CCDC88A: variants seen among roughly 807,000 people sequenced by gnomAD.
CCDC88A encodes coiled-coil and HOOK domain protein 88A, also known as girdin.
In CCDC88A, 54 loss-of-function variants were observed where a neutral mutation model predicts 234.3. That is an observed-to-expected ratio of 0.23 (90% CI 0.19 to 0.29). The LOEUF (loss-of-function observed/expected upper bound fraction) is 0.29, where lower values mean the gene tolerates loss of function less well. Among genes scored for constraint, CCDC88A ranks in the 10% least tolerant of loss-of-function variants. The probability of loss-of-function intolerance (pLI) is 1.00; values close to 1 mark genes in which losing one functional copy is unlikely to be tolerated. For missense variants in CCDC88A, 1,832 were observed against 2,123.4 expected, an observed-to-expected ratio of 0.86 and a Z score of 2.70; for synonymous variants, 753 against 737.8, an observed-to-expected ratio of 1.02 and a Z score of -0.33.
Position 55,339,487 on chromosome 2 carries a change from C to T in CCDC88A, c.1495G>A (p.Glu499Lys), listed in dbSNP as rs758256730. 1 of 1,583,912 alleles carries T rather than the reference C, an allele frequency of 6.3e-7. No homozygotes were observed. The highest frequency in any genetic ancestry group is 1.9e-5 in the Admixed American group (1 of 53,964). The part of the protein sequence containing the change: ...NASKILKMEK[E>K]NQRLSKKVEI... ...ACCTTTTTACTGAGCCTTTGATTTT[C>T]TTTTTCCATTTTCAGGATTTTGGAA... The change falls in exon 13 of 33, where the codon GAA becomes AAA. Residue 499 changes from glutamate (E) to lysine (K), a missense_variant. Glu to Lys is a moderately conservative substitution (Grantham distance 56). Transcript: ENST00000436346.
chr2:55,339,553 C>G lies in CCDC88A; in HGVS notation c.1429G>C (p.Glu477Gln), dbSNP rs1241372626. Residue 477 changes from glutamate to glutamine, a missense_variant, in exon 13 of 33, where the codon GAA becomes CAA. This residue lies in a region of CCDC88A where 1,282 missense variants were observed against 1,543.6 expected (regional missense o/e 0.83). Coordinates refer to ENST00000436346, the MANE Select transcript of CCDC88A (RefSeq NM_001365480.1). ...MENQSLTKTV[E>Q]ELRTTVDSVE... is the part of the protein sequence containing the mutation. ...GAATCCACAGTAGTCCGAAGCTCTT[C>G]TACGGTTTTTGTCAAACTTTGATTT... The G allele has an allele frequency of 6.2e-7, 1 of 1,613,754 alleles. No individual in the cohort carries two copies. Among genetic ancestry groups the G allele is most frequent in the Admixed American group, 1.7e-5 (1 of 59,968 alleles).
Position 55,295,975 on chromosome 2 carries a change from T to C in CCDC88A, c.5173A>G (p.Lys1725Glu). ...CTGGCCAGACCACAGCTAACTGGTT[T>C]GTCTTTTCCCAAAAAGTCAGAAGAG... ...SVSSDFLGKD[K>E]PVSCGLARSV... The change falls in exon 31 of 33, where the codon AAA becomes GAA. Residue 1725 changes from lysine to glutamate, a missense_variant. Lys to Glu is a moderately conservative substitution (Grantham distance 56, BLOSUM62 1). Transcript: ENST00000436346. The C allele has an allele frequency of 6.2e-7, 1 of 1,613,820 alleles. No homozygotes were observed.
chr2:55,401,726 T>C (rs552146334), intron 2 of CCDC88A, among the ~76,000 whole-genome samples: 6 of 151,634 alleles, frequency 4.0e-5, no homozygotes, highest in South Asian at 2.1e-4. Flanking sequence ...ATAATTACCA[T>C]ACAGAGATTA....
At chr2:55,321,207 G>C (rs1683593234) in intron 18 of CCDC88A, 1 of 151,688 alleles carries the variant, frequency 6.6e-6, no homozygotes, top group South Asian at 2.1e-4. Flanking sequence ...TATATCCTTT[G>C]GCCTTGCAAT....
At chr2:55,298,415 C>G (rs1053535600) in intron 29 of CCDC88A, among the ~76,000 whole-genome samples, 4 of 151,706 alleles carry the variant, frequency 2.6e-5, no homozygotes, top group South Asian at 2.1e-4. Context: ...ACAAAGAAAT[C>G]TGAAAAACAT....
intron 8 of CCDC88A, chr2:55,349,832 G>A: frequency 8.2e-6 from 3 of 366,610 alleles, no homozygotes; most frequent in Non-Finnish European, 1.4e-5. Flanking sequence ...CTCATAGTAT[G>A]TAATACAGTT....
At chr2:55,403,003 C>T (rs562176037) in intron 2 of CCDC88A, among the ~76,000 whole-genome samples, 87 of 151,054 alleles carry the variant, frequency 5.8e-4, no homozygotes, top group Admixed American at 1.4e-3. Context: ...AGCAAGACTC[C>T]GTCTAAAAAA....
intron 2 of CCDC88A, among the ~76,000 whole-genome samples, chr2:55,389,286 T>G (rs966057824): frequency 1.3e-5 from 2 of 152,198 alleles, no homozygotes; most frequent in Non-Finnish European, 1.5e-5. Flanking sequence ...AGGGATTATA[T>G]TTGAACAGGC....
chr2:55,307,544 G>A (rs952578183), intron 25 of CCDC88A, among the ~76,000 whole-genome samples: 3 of 151,840 alleles, frequency 2.0e-5, no homozygotes, highest in East Asian at 2.0e-4. Flanking sequence ...TAGTAGAGAC[G>A]GGGTTTCTCC....
intron 25 of CCDC88A, chr2:55,306,308 C>G (rs955466984): frequency 5.3e-5 from 8 of 152,078 alleles, no homozygotes; most frequent in Non-Finnish European, 1.0e-4. Context: ...AACTTGATGA[C>G]CTGTCTAAAA....
chr2:55,379,102 G>C (rs909303912), intron 3 of CCDC88A, among the ~76,000 whole-genome samples: 3 of 151,906 alleles, frequency 2.0e-5, no homozygotes, highest in Non-Finnish European at 4.4e-5. Context: ...CCAATTTTAT[G>C]AGTAATATTA....
intron 2 of CCDC88A, among the ~76,000 whole-genome samples, chr2:55,408,637 A>C (rs1679986945): frequency 6.6e-6 from 1 of 152,298 alleles, no homozygotes; most frequent in Non-Finnish European, 1.5e-5. Context: ...GGAGGCATGA[A>C]TAATCTACCC....
At chr2:55,409,128 C>T (rs1680060908) in intron 2 of CCDC88A, among the ~76,000 whole-genome samples, 1 of 152,216 alleles carries the variant, frequency 6.6e-6, no homozygotes, top group Non-Finnish European at 1.5e-5. Context: ...ATCAACCCTG[C>T]ATGACAATAC....
intron 7 of CCDC88A, among the ~76,000 whole-genome samples, chr2:55,357,042 A>G (rs541997332): frequency 4.6e-5 from 7 of 152,208 alleles, no homozygotes; most frequent in Non-Finnish European, 8.8e-5. Flanking sequence ...TCTTGCCATC[A>G]CTGCAGAATT....
chr2:55,327,048 T>C (rs1260000544), intron 17 of CCDC88A, among the ~76,000 whole-genome samples: 4 of 152,226 alleles, frequency 2.6e-5, no homozygotes, highest in African/African-American at 9.6e-5. Flanking sequence ...TTGTTTTGTT[T>C]TGTTTTGTTC....
At chr2:55,329,692 G>A (rs1233624432) in intron 16 of CCDC88A, 2 of 152,206 alleles carry the variant, frequency 1.3e-5, no homozygotes, top group African/African-American at 4.8e-5. Flanking sequence ...TATTGAAAGA[G>A]AAGACAGAAG....
rs965291273 is a variant in CCDC88A at position 55,291,059 on chromosome 2, A to G, written c.*141T>C. 3 of 152,606 alleles carry G rather than the reference A, an allele frequency of 2.0e-5. No homozygotes were observed. Among genetic ancestry groups the G allele is most frequent in the South Asian group, 4.1e-4 (2 of 4,834 alleles). The allele number at this position is 152,606 out of a possible 1,614,324, so 9.5% of individuals were successfully genotyped here. A position where few individuals can be genotyped will look rare whatever the true frequency, so the allele number is the denominator to read the frequency against. On this transcript the variant is annotated 3_prime_UTR_variant, in exon 33 of 33. Transcript: ENST00000436346. ...CCTGCTCTATTCACGAAGGACTGTT[A>G]AAAGTCTCCTTAAAGATTTTTAAAA...
At chr2:55,400,114 C>T (rs1471207778) in intron 2 of CCDC88A, among the ~76,000 whole-genome samples, 4 of 152,234 alleles carry the variant, frequency 2.6e-5, no homozygotes, top group African/African-American at 7.2e-5. Flanking sequence ...AAATATTCTG[C>T]CTTTCATTTT....
chr2:55,314,458 G>A (rs1437659617), intron 22 of CCDC88A: 1 of 152,262 alleles, frequency 6.6e-6, no homozygotes, highest in African/African-American at 2.4e-5. Flanking sequence ...AGGCTAGAGG[G>A]AAGTGGTGCG....
Sources: gnomAD v4.1 joint callset for allele counts (sites outside exome capture counted in the v4.1 genomes callset) on GRCh38, gnomAD v4.1.1 for gene constraint, gnomAD v4.1.1 regional missense constraint, MANE v1.5 for transcripts, NCBI Gene and HGNC (gene_info 2026-07-23, HGNC 2026-07-21) for gene names.